DDX1: variants seen among roughly 807,000 people sequenced by gnomAD.
DDX1 encodes DEAD-box helicase 1.
DDX1 carries 28 observed loss-of-function variants against 108.7 expected under a neutral mutation model. That is an observed-to-expected ratio of 0.26 (90% CI 0.19 to 0.35). The LOEUF (loss-of-function observed/expected upper bound fraction) is 0.35. DDX1 is among the 10% of genes least tolerant of loss of function. DDX1 has a pLI of 1.00. For synonymous variants in DDX1, 295 were observed against 288.9 expected, an observed-to-expected ratio of 1.02 and a Z score of -0.21; for missense variants, 710 against 884.5, an observed-to-expected ratio of 0.80 and a Z score of 2.50.
intron 17 of DDX1, 95 bp downstream of exon 17, chr2:15,620,491 A>G (rs1665984955): frequency 5.4e-6 from 5 of 930,256 alleles, no homozygotes; most frequent in Non-Finnish European, 8.0e-6. Flanking sequence ...GCAATCAGTT[A>G]TTGTATCAAA....
Position 15,623,547 on chromosome 2 carries a change from A to T in DDX1, c.1559A>T (p.Asp520Val). Residue 520 changes from aspartate (D) to valine (V), a missense_variant, in exon 19 of 26, where the codon GAT becomes GTT. Physicochemically the swap from Asp to Val is radical, Grantham distance 152 (BLOSUM62 -3). Transcript: ENST00000233084. ...IIFCRTKIDC[D>V]NLEQYFIQQG... ...TTCTGTAGAACCAAAATTGACTGTGATAACTTGGAGCAGTACTTTATACAA... is the reference window on the plus strand; with the variant it reads ...TTCTGTAGAACCAAAATTGACTGTGTTAACTTGGAGCAGTACTTTATACAA... 6.2e-7 allele frequency: 1 copy of T among 1,613,618 alleles called. No individual in the cohort carries two copies. Among genetic ancestry groups the T allele is most frequent in the Non-Finnish European group, 8.5e-7 (1 of 1,179,642 alleles).
At chr2:15,621,138 T>G in intron 18 of DDX1, 22 bp downstream of exon 18, 4 of 1,571,930 alleles carry the variant, frequency 2.5e-6, no homozygotes, top group Non-Finnish European at 2.6e-6. Context: ...GAGTCAAATG[T>G]GTTGAAAGAT....
Position 15,625,318 on chromosome 2 carries a change from A to T in DDX1, c.1594+1736A>T, listed in dbSNP as rs375783355. Among the ~76,000 whole-genome samples, 34 of 152,304 alleles carry T rather than the reference A, an allele frequency of 2.2e-4. No homozygotes were observed. In the South Asian group the frequency reaches 7.0e-3, roughly 32 times the overall value. On this transcript the variant is annotated intron_variant, in intron 19 of 25. Transcript: ENST00000233084. Reference sequence around the variant, plus strand: ...AGTCCCCACAAGGGTGGCAGTAGGGATAGGCTGGGAAAGGATATGAGGGTA... The same window carrying T: ...AGTCCCCACAAGGGTGGCAGTAGGGTTAGGCTGGGAAAGGATATGAGGGTA...
At chr2:15,622,470 G>A (rs1254914963) in intron 18 of DDX1, among the ~76,000 whole-genome samples, 1 of 152,138 alleles carries the variant, frequency 6.6e-6, no homozygotes, top group Non-Finnish European at 1.5e-5. Context: ...CTAGAAGAAT[G>A]GATCTTAAAC....
At position 15,603,491 on chromosome 2, in the gene DDX1, T is replaced by C. The variant is rs966986691; in HGVS notation, c.475+216T>C. On this transcript the variant is annotated intron_variant, in intron 8 of 25. Coordinates refer to ENST00000233084, the MANE Select transcript of DDX1 (RefSeq NM_004939.3). ...AGCAGTATGAAATGAGGGATAAGAA[T>C]ATGAATGGAGTCAGGGTAAAGTTAG... Among the ~76,000 whole-genome samples the C allele has an allele frequency of 2.6e-5, 4 of 152,326 alleles. 1 individual carries two copies. The highest frequency in any genetic ancestry group is 2.6e-4 in the Admixed American group (4 of 15,302).
intron 20 of DDX1, among the ~76,000 whole-genome samples, chr2:15,628,226 G>C (rs1394282114): frequency 6.6e-6 from 1 of 152,116 alleles, no homozygotes; most frequent in Non-Finnish European, 1.5e-5. Context: ...AAGCAAAAAT[G>C]AACCCAATCT....
At chr2:15,603,411 C>T in intron 8 of DDX1, 136 bp downstream of exon 8, 2 of 657,996 alleles carry the variant, frequency 3.0e-6, no homozygotes. Flanking sequence ...TTTATCTGTA[C>T]CCCACCCTGT....
chr2:15,603,948 T>C (rs985422824), intron 9 of DDX1, 58 bp downstream of exon 9: 9 of 1,116,218 alleles, frequency 8.1e-6, no homozygotes, highest in Admixed American at 5.7e-5. Flanking sequence ...GCATACTTAA[T>C]CACTCATGAC....
Position 15,631,029 on chromosome 2 carries a change from C to A in DDX1, c.*123C>A. 1 of 833,516 alleles carries A rather than the reference C, an allele frequency of 1.2e-6. No homozygotes were observed. The highest frequency in any genetic ancestry group is 1.7e-6 in the Non-Finnish European group (1 of 579,252). The allele number at this position is 833,516 out of a possible 1,614,324, so 51.6% of individuals were successfully genotyped here. Reference sequence around the variant, plus strand: ...CGTAAGCTATTAATGCTAACTCTTGCATGTCAAGAAACATTAGTCTTAGGA... The same window carrying A: ...CGTAAGCTATTAATGCTAACTCTTGAATGTCAAGAAACATTAGTCTTAGGA... On this transcript the variant is annotated 3_prime_UTR_variant, in exon 26 of 26. Transcript: ENST00000233084.
At chr2:15,623,307 A>G (rs1462993736) in intron 18 of DDX1, 129 bp from the exon 19 acceptor site, 10 of 763,640 alleles carry the variant, frequency 1.3e-5, no homozygotes, top group Non-Finnish European at 1.9e-5. Context: ...TCTATATATA[A>G]TACTTTTATT....
In DDX1 at chr2:15,623,467, A is replaced by G; in HGVS notation, c.1479A>G (p.Lys493=). ...EMWSEAIKIL[K]GEYAVRAIKE... ...GGTCTGAAGCTATTAAAATCCTGAA[A>G]GGGGAGTATGCTGTCCGGGCAATCA... Residue 493 remains lysine (K), a synonymous_variant, in exon 19 of 26, where the codon AAA becomes AAG. Coordinates refer to ENST00000233084, the MANE Select transcript of DDX1 (RefSeq NM_004939.3). 6.2e-7 allele frequency: 1 copy of G among 1,613,558 alleles called. No homozygotes were observed. Among genetic ancestry groups the G allele is most frequent in the Non-Finnish European group, 8.5e-7 (1 of 1,179,674 alleles).
chr2:15,602,573 T>A lies in DDX1; in HGVS notation c.333T>A (p.Cys111Ter), dbSNP rs1250695716. ...CAATTGGGTCAGATGGTCTTTGTTG[T>A]CAAAGCAGAGAAGTAAAGGAATGGC... The part of the protein sequence containing the change: ...AFAIGSDGLC[C>*]QSREVKEWHG... Residue 111 changes from cysteine to a stop codon, truncating the protein, a stop_gained, in exon 7 of 26, where the codon TGT (cysteine) becomes TGA (stop). Transcript: ENST00000233084. LOFTEE classifies it high-confidence loss of function. 6.2e-7 allele frequency: 1 copy of A among 1,613,836 alleles called. No individual in the cohort carries two copies. Among genetic ancestry groups the A allele is most frequent in the South Asian group, 1.1e-5 (1 of 91,074 alleles).
intron 19 of DDX1, among the ~76,000 whole-genome samples, chr2:15,624,857 G>T (rs544796496): frequency 1.5e-3 from 235 of 152,278 alleles, no homozygotes; most frequent in African/African-American, 5.4e-3. Flanking sequence ...TAGATTGTTG[G>T]TGAGAATATA....
At chr2:15,627,794 G>A (rs963868679) in intron 20 of DDX1, among the ~76,000 whole-genome samples, 6 of 152,164 alleles carry the variant, frequency 3.9e-5, no homozygotes, top group African/African-American at 9.6e-5. Context: ...ACGTTTCCAT[G>A]CTGGGCATAA....
At chr2:15,614,738 T>C (rs576985945) in intron 14 of DDX1, among the ~76,000 whole-genome samples, 31 of 152,384 alleles carry the variant, frequency 2.0e-4, no homozygotes, top group Non-Finnish European at 4.0e-4. Context: ...AAATATTCTT[T>C]TCTTTATAAA....
intron 5 of DDX1, among the ~76,000 whole-genome samples, chr2:15,598,001 T>C (rs187179567): frequency 4.6e-5 from 7 of 152,282 alleles, no homozygotes; most frequent in African/African-American, 1.7e-4. Context: ...TTTCTGATAC[T>C]GTCTCTACCG....
At chr2:15,621,260 G>T in intron 18 of DDX1, 144 bp downstream of exon 18, 1 of 640,340 alleles carries the variant, frequency 1.6e-6, no homozygotes, top group African/African-American at 1.9e-5. Flanking sequence ...AAAAAGAAAT[G>T]GGGAAAAGCT....
intron 6 of DDX1, among the ~76,000 whole-genome samples, chr2:15,600,740 C>CTTTTTTTTT (rs1157559293): frequency 2.7e-5 from 2 of 73,536 alleles, no homozygotes; most frequent in Non-Finnish European, 2.4e-5. Flanking sequence ...TTTGCATTTT[C>CTTTTTTTTT]TTTTTTTTTT....
intron 13 of DDX1, 49 bp from the exon 14 acceptor site, chr2:15,613,175 A>C (rs777227883): frequency 8.1e-7 from 1 of 1,240,730 alleles, no homozygotes; most frequent in African/African-American, 1.7e-5. Context: ...AATGTAAAGC[A>C]GACTTTAATT....
Sources: gnomAD v4.1 joint callset for allele counts (sites outside exome capture counted in the v4.1 genomes callset) on GRCh38, gnomAD v4.1.1 for gene constraint, MANE v1.5 for transcripts, NCBI Gene and HGNC (gene_info 2026-07-23, HGNC 2026-07-21) for gene names.